The following FAM210A variants were observed in gnomAD, a reference collection of about 807,000 sequenced individuals.
FAM210A encodes family with sequence similarity 210 member A.
A neutral mutation model predicts 25.3 loss-of-function variants in FAM210A; 13 were observed. The ratio of observed to expected loss-of-function variants is 0.51; its 90% CI spans 0.33 to 0.82. The LOEUF is 0.82. Ranked by LOEUF, FAM210A falls within the 40% of genes least tolerant of loss-of-function variation. FAM210A has a pLI of 0.02. For missense variants in FAM210A, 319 were observed against 323.2 expected (o/e 0.99, Z 0.10); for synonymous variants, 125 against 118.7 (o/e 1.05, Z -0.35).
chr18:13,694,287 G>A (rs1204646161), intron 1 of FAM210A, among the ~76,000 whole-genome samples: 1 of 151,958 alleles, frequency 6.6e-6, no homozygotes, highest in African/African-American at 2.4e-5. Flanking sequence ...TGTGAAAATG[G>A]CCATACTGCC....
intron 1 of FAM210A, among the ~76,000 whole-genome samples, chr18:13,714,725 T>G (rs149915338): frequency 6.6e-6 from 1 of 152,318 alleles, no homozygotes; most frequent in African/African-American, 2.4e-5. Context: ...CTGTATTACA[T>G]GTAATTTTGC....
At chr18:13,667,617 G>A (rs2043411120) in intron 3 of FAM210A, among the ~76,000 whole-genome samples, 1 of 152,186 alleles carries the variant, frequency 6.6e-6, no homozygotes, top group Non-Finnish European at 1.5e-5. Flanking sequence ...TATTTGAGAA[G>A]CTGAGGCAGG....
chr18:13,679,583 A>C (rs2043533106), intron 2 of FAM210A, among the ~76,000 whole-genome samples: 1 of 152,228 alleles, frequency 6.6e-6, no homozygotes, highest in Non-Finnish European at 1.5e-5. Context: ...CATCCTGCCC[A>C]TTATAAATTC....
At chr18:13,721,903 A>C (rs1484653095) in intron 1 of FAM210A, among the ~76,000 whole-genome samples, 1 of 152,116 alleles carries the variant, frequency 6.6e-6, no homozygotes, top group Non-Finnish European at 1.5e-5. Flanking sequence ...TACCCTGATA[A>C]GCCATAGGTC....
chr18:13,674,171 C>A (rs76411819), intron 2 of FAM210A, among the ~76,000 whole-genome samples: 18 of 149,824 alleles, frequency 1.2e-4, no homozygotes, highest in Admixed American at 1.1e-3. Flanking sequence ...TATTAACATT[C>A]CTGAGCCCTG....
intron 1 of FAM210A, chr18:13,715,207 C>T (rs2043851023): frequency 6.6e-6 from 1 of 152,072 alleles, no homozygotes; most frequent in African/African-American, 2.4e-5. Context: ...CTAGACTGGG[C>T]TAGTTCACCT....
chr18:13,693,771 A>G (rs2043669530), intron 1 of FAM210A, among the ~76,000 whole-genome samples: 1 of 30,952 alleles, frequency 3.2e-5, no homozygotes, highest in African/African-American at 8.8e-5. Context: ...ATTTATGACA[A>G]TATCTACTGA....
chr18:13,675,635 TGATTATTAA>T (rs2043491041), intron 2 of FAM210A, among the ~76,000 whole-genome samples: 9 of 143,826 alleles, frequency 6.3e-5, no homozygotes, highest in African/African-American at 2.1e-4. Flanking sequence ...TCCAGTTTCC[TGATTATTAA>T]CATTCCTGAG....
intron 1 of FAM210A, among the ~76,000 whole-genome samples, chr18:13,708,088 G>T (rs1303871745): frequency 6.6e-6 from 1 of 152,160 alleles, no homozygotes; most frequent in Admixed American, 6.5e-5. Flanking sequence ...TACAGTTATT[G>T]AACTCTTTCT....
intron 3 of FAM210A, among the ~76,000 whole-genome samples, chr18:13,669,541 C>T (rs1236738491): frequency 2.0e-5 from 3 of 152,130 alleles, no homozygotes; most frequent in Non-Finnish European, 4.4e-5. Flanking sequence ...ACCTTCTCAG[C>T]AAGGTGTGCC....
At position 13,664,382 on chromosome 18, in the gene FAM210A, G is replaced by A. The variant is rs2043383404; in HGVS notation, c.*2098C>T. 6.6e-6 allele frequency: 1 copy of A among 152,098 alleles called. No individual in the cohort carries two copies. Among genetic ancestry groups the A allele is most frequent in the Admixed American group, 6.5e-5 (1 of 15,270 alleles). The allele number at this position is 152,098 out of a possible 1,614,324, so 9.4% of individuals were successfully genotyped here. ...GCAACATGAAAAGTAAAAGGAAATTGTTTTAGAAAAATTCCATATAACACA... is the reference window on the plus strand; with the variant it reads ...GCAACATGAAAAGTAAAAGGAAATTATTTTAGAAAAATTCCATATAACACA... On this transcript the variant is annotated 3_prime_UTR_variant, in exon 4 of 4. Coordinates refer to ENST00000651643, the MANE Select transcript of FAM210A (RefSeq NM_152352.4).
At chr18:13,703,929 C>A (rs1050912590) in intron 1 of FAM210A, among the ~76,000 whole-genome samples, 3 of 152,278 alleles carry the variant, frequency 2.0e-5, no homozygotes, top group South Asian at 2.1e-4. Context: ...AGGTCATAAA[C>A]CACTTCTTTG....
At chr18:13,699,090 A>G (rs1353253953) in intron 1 of FAM210A, among the ~76,000 whole-genome samples, 1 of 152,156 alleles carries the variant, frequency 6.6e-6, no homozygotes. Context: ...TACAGGCGTG[A>G]GCCACCGCCT....
chr18:13,668,367 C>A (rs890700084), intron 3 of FAM210A, among the ~76,000 whole-genome samples: 7 of 152,192 alleles, frequency 4.6e-5, no homozygotes, highest in Admixed American at 2.6e-4. Context: ...CCAATTCCTC[C>A]CCTTTCACCC....
chr18:13,690,874 C>T (rs1298076078), intron 1 of FAM210A, among the ~76,000 whole-genome samples: 1 of 152,164 alleles, frequency 6.6e-6, no homozygotes, highest in Non-Finnish European at 1.5e-5. Flanking sequence ...AGCTCCTCAC[C>T]AGCAACAGGA....
At chr18:13,709,712 G>A (rs537566874) in intron 1 of FAM210A, among the ~76,000 whole-genome samples, 1 of 152,138 alleles carries the variant, frequency 6.6e-6, no homozygotes, top group African/African-American at 2.4e-5. Context: ...TGCATCCCAG[G>A]TGCCTAAAAC....
chr18:13,691,154 C>A (rs1406035930), intron 1 of FAM210A, among the ~76,000 whole-genome samples: 2 of 152,040 alleles, frequency 1.3e-5, no homozygotes, highest in Non-Finnish European at 2.9e-5. Flanking sequence ...GAAAGGGTAT[C>A]AGTGATTGAA....
chr18:13,666,942 A>G (rs997253186), intron 3 of FAM210A, among the ~76,000 whole-genome samples: 2 of 152,268 alleles, frequency 1.3e-5, no homozygotes, highest in Non-Finnish European at 2.9e-5. Flanking sequence ...CCTGACCCAG[A>G]TAACAGAATC....
chr18:13,701,968 C>A (rs2043743907), intron 1 of FAM210A, among the ~76,000 whole-genome samples: 1 of 152,170 alleles, frequency 6.6e-6, no homozygotes, highest in Non-Finnish European at 1.5e-5. Flanking sequence ...CAAATTTGAA[C>A]CTTGCCAGTT....
Sources: gnomAD v4.1 joint callset for allele counts (sites outside exome capture counted in the v4.1 genomes callset) on GRCh38, gnomAD v4.1.1 for gene constraint, MANE v1.5 for transcripts, NCBI Gene and HGNC (gene_info 2026-07-23, HGNC 2026-07-21) for gene names.